The following PPFIBP2 variants were observed in gnomAD, a reference collection of about 807,000 sequenced individuals.
The protein encoded by PPFIBP2 is liprin-beta-2.
In PPFIBP2, 118 loss-of-function variants were observed where a neutral mutation model predicts 118.3. The ratio of observed to expected loss-of-function variants is 1.00; its 90% CI spans 0.86 to 1.16. The LOEUF (loss-of-function observed/expected upper bound fraction) is 1.16. Ranked by LOEUF, PPFIBP2 falls within the 50% of genes most tolerant of loss-of-function variation. PPFIBP2 has a pLI of 0.00. For synonymous variants in PPFIBP2, 414 were observed against 397.4 expected (o/e 1.04, Z -0.50); for missense variants, 1,195 against 1,073.1 (o/e 1.11, Z -1.59).
At chr11:7,641,753 A>C (rs1852230540) in intron 16 of PPFIBP2, 133 bp downstream of exon 16, 1 of 938,932 alleles carries the variant, frequency 1.1e-6, no homozygotes, top group South Asian at 1.7e-5. Flanking sequence ...GTTCAAAGAG[A>C]AGAATCTGAG....
At chr11:7,518,140 C>T (rs1004016336) in intron 1 of PPFIBP2, among the ~76,000 whole-genome samples, 2 of 152,210 alleles carry the variant, frequency 1.3e-5, no homozygotes, top group Non-Finnish European at 2.9e-5. Flanking sequence ...TTACTTTCCT[C>T]ATCATGATTG....
intron 17 of PPFIBP2, among the ~76,000 whole-genome samples, chr11:7,645,604 G>A (rs528972010): frequency 2.0e-5 from 3 of 152,318 alleles, no homozygotes; most frequent in South Asian, 2.1e-4. Context: ...GGCACTGAGA[G>A]GAGCTGAGGA....
chr11:7,622,956 T>C (rs916714419), intron 7 of PPFIBP2, among the ~76,000 whole-genome samples: 16 of 152,360 alleles, frequency 1.1e-4, no homozygotes, highest in Non-Finnish European at 1.5e-4. Flanking sequence ...AACTACCAGG[T>C]GTGGAGCACT....
the PPFIBP2 span, chr11:7,665,883 G>C: frequency 2.0e-6 from 3 of 1,536,182 alleles, no homozygotes; most frequent in Non-Finnish European, 2.6e-6. Flanking sequence ...GTGGCCTGGT[G>C]TTAGTGGAAC....
At chr11:7,650,318 T>A (rs778540363) in intron 21 of PPFIBP2, among the ~76,000 whole-genome samples, 1 of 152,168 alleles carries the variant, frequency 6.6e-6, no homozygotes, top group African/African-American at 2.4e-5. Context: ...GCTGTCTATC[T>A]CCTATTTTCT....
At chr11:7,658,433 G>A (rs1854814069), downstream of PPFIBP2, among the ~76,000 whole-genome samples, 1 of 98,868 alleles carries the variant, frequency 1.0e-5, no homozygotes, top group African/African-American at 4.5e-5. Flanking sequence ...TACTGAGAAT[G>A]ATGATTTCCA....
intron 1 of PPFIBP2, among the ~76,000 whole-genome samples, chr11:7,534,070 G>A (rs550713504): frequency 6.6e-6 from 1 of 152,304 alleles, no homozygotes; most frequent in Non-Finnish European, 1.5e-5. Flanking sequence ...GGTGAGGTGA[G>A]AGGTAAGGAG....
chr11:7,596,646 T>A lies in PPFIBP2; in HGVS notation c.373-914T>A, dbSNP rs145262816. ...ATTCCATTTCAGACTGAGAAATAAT[T>A]CTGGATAATCTATATGTAAATGGCA... On this transcript the variant is annotated intron_variant, in intron 4 of 23. Transcript: ENST00000299492. Among the ~76,000 whole-genome samples the A allele has an allele frequency of 3.0e-4, 46 of 152,276 alleles. No individual in the cohort carries two copies. In the East Asian group the frequency reaches 5.2e-3, roughly 17 times the overall value.
chr11:7,652,987 A>G, intron 23 of PPFIBP2, 37 bp from the exon 24 acceptor site: 2 of 1,579,512 alleles, frequency 1.3e-6, no homozygotes, highest in South Asian at 2.3e-5. Context: ...CACTGCCTTG[A>G]TTGCCTTCTC....
intron 1 of PPFIBP2, among the ~76,000 whole-genome samples, chr11:7,516,905 C>G (rs1849278563): frequency 1.3e-5 from 2 of 152,154 alleles, no homozygotes; most frequent in African/African-American, 2.4e-5. Flanking sequence ...GAGAATCTTT[C>G]ATTCCTGTCT....
In PPFIBP2 at chr11:7,606,475, A is replaced by G. The variant is rs76104613; in HGVS notation, c.487-3816A>G. Among the ~76,000 whole-genome samples, 345 of 152,314 alleles carry G rather than the reference A, an allele frequency of 2.3e-3. 10 individuals carry two copies. In the East Asian group the frequency reaches 0.06, roughly 26 times the overall value. ...TAGGGACCAAAACAGTAATCATGACAGGGGCAAGGGGAAGATGATCATGAA... is the reference window on the plus strand; with the variant it reads ...TAGGGACCAAAACAGTAATCATGACGGGGGCAAGGGGAAGATGATCATGAA... On this transcript the variant is annotated intron_variant, in intron 5 of 23. Transcript: ENST00000299492.
chr11:7,569,754 A>G (rs1855441892), intron 3 of PPFIBP2, among the ~76,000 whole-genome samples: 1 of 152,214 alleles, frequency 6.6e-6, no homozygotes, highest in African/African-American at 2.4e-5. Flanking sequence ...GCTCAGGGTC[A>G]GTGCTCATGG....
chr11:7,531,791 G>A (rs1850713932), intron 1 of PPFIBP2, among the ~76,000 whole-genome samples: 1 of 151,888 alleles, frequency 6.6e-6, no homozygotes, highest in South Asian at 2.1e-4. Context: ...TGGCAGGGTT[G>A]GTTTCTTTTG....
At chr11:7,666,576 G>T in the PPFIBP2 span, 1,764 of 1,555,972 alleles carry the variant, frequency 1.1e-3, 27 homozygotes, top group African/African-American at 0.021. Context: ...CACTGAAAAA[G>T]CCCCTCCAGG....
intron 5 of PPFIBP2, among the ~76,000 whole-genome samples, chr11:7,599,548 C>G (rs1466977920): frequency 6.6e-6 from 1 of 152,096 alleles, no homozygotes; most frequent in African/African-American, 2.4e-5. Context: ...CCAGCACCAC[C>G]TGGGGAGAGG....
intron 1 of PPFIBP2, among the ~76,000 whole-genome samples, chr11:7,526,615 T>C (rs1850253574): frequency 6.6e-6 from 1 of 152,154 alleles, no homozygotes; most frequent in South Asian, 2.1e-4. Flanking sequence ...CTCACGCCTG[T>C]AATCCCAGCA....
At chr11:7,514,782 A>G (rs1008764336) in intron 1 of PPFIBP2, among the ~76,000 whole-genome samples, 1 of 152,238 alleles carries the variant, frequency 6.6e-6, no homozygotes, top group African/African-American at 2.4e-5. Flanking sequence ...TAACAAGAGA[A>G]CAGAACTTCC....
At chr11:7,624,902 A>G (rs980651939) in intron 7 of PPFIBP2, among the ~76,000 whole-genome samples, 1 of 152,194 alleles carries the variant, frequency 6.6e-6, no homozygotes, top group African/African-American at 2.4e-5. Flanking sequence ...CAACTAGGAA[A>G]TGAGAGAATC....
At chr11:7,551,219 A>G (rs1388228419) in intron 2 of PPFIBP2, among the ~76,000 whole-genome samples, 3 of 152,220 alleles carry the variant, frequency 2.0e-5, no homozygotes, top group Non-Finnish European at 2.9e-5. Context: ...TCTCACGTGC[A>G]TTGGGATAAT....
Sources: allele counts gnomAD v4.1 joint callset (sites outside exome capture counted in the v4.1 genomes callset), GRCh38; gene constraint gnomAD v4.1.1; transcripts MANE v1.5; gene names NCBI Gene and HGNC (gene_info 2026-07-23, HGNC 2026-07-21).